Variants in KCNK10 observed in about 807,000 individuals in gnomAD.
KCNK10 encodes potassium channel subfamily K member 10.
Under a neutral mutation model 47.7 loss-of-function variants are expected in KCNK10, and 25 were observed. The ratio of observed to expected loss-of-function variants is 0.52; its 90% CI spans 0.38 to 0.73. KCNK10 has a LOEUF of 0.73. Among genes scored for constraint, KCNK10 ranks in the 30% least tolerant of loss-of-function variants. The pLI is 0.00. For synonymous variants in KCNK10, 303 were observed against 285.6 expected (o/e 1.06, Z -0.61); for missense variants, 563 against 714.5 (o/e 0.79, Z 2.42).
chr14:88,235,354 G>A (rs376586499), intron 3 of KCNK10: 2 of 411,730 alleles, frequency 4.9e-6, no homozygotes, highest in African/African-American at 4.2e-5. Context: ...TGTGAAAAGA[G>A]TAGCAAAACT....
At chr14:88,296,162 C>T (rs1374947453) in intron 1 of KCNK10, among the ~76,000 whole-genome samples, 1 of 152,180 alleles carries the variant, frequency 6.6e-6, no homozygotes, top group Non-Finnish European at 1.5e-5. Context: ...TGAGACCTCA[C>T]ATAACCGGAC....
chr14:88,316,710 C>T (rs1477382521), intron 1 of KCNK10, among the ~76,000 whole-genome samples: 3 of 152,204 alleles, frequency 2.0e-5, no homozygotes, highest in Non-Finnish European at 4.4e-5. Context: ...CTTTCTGCAT[C>T]AGCCAAGGGA....
chr14:88,291,561 T>C (rs1240263123), intron 1 of KCNK10, among the ~76,000 whole-genome samples: 2 of 152,190 alleles, frequency 1.3e-5, no homozygotes, highest in Non-Finnish European at 2.9e-5. Context: ...GAAGGGGGTC[T>C]CAGCATCTGG....
chr14:88,300,987 G>A (rs1020891937), intron 1 of KCNK10, among the ~76,000 whole-genome samples: 2 of 152,172 alleles, frequency 1.3e-5, no homozygotes, highest in South Asian at 4.1e-4. Flanking sequence ...GATTCAGTCA[G>A]ATCTAAGTTA....
Position 88,183,869 on chromosome 14 carries a change from A to G in KCNK10, c.*1666T>C, listed in dbSNP as rs1043271160. ...CAGAAAGCATGAGACAGTTTCTGGA[A>G]GTCTCCGCTAGTGCTGTGATCTTTT... On this transcript the variant is annotated 3_prime_UTR_variant, in exon 7 of 7. Coordinates refer to ENST00000319231, the MANE Select transcript of KCNK10 (RefSeq NM_138317.3). The G allele has an allele frequency of 6.6e-6, 1 of 152,360 alleles. No homozygotes were observed. Among genetic ancestry groups the G allele is most frequent in the African/African-American group, 2.4e-5 (1 of 41,456 alleles). 9.4% of individuals were successfully genotyped at this position (152,360 alleles called of 1,614,324 possible).
chr14:88,301,604 C>T (rs747443106), intron 1 of KCNK10, among the ~76,000 whole-genome samples: 8 of 144,786 alleles, frequency 5.5e-5, no homozygotes, highest in Non-Finnish European at 7.5e-5. Context: ...ATTTCAGAGG[C>T]GAGGAGAAGC....
chr14:88,251,141 A>G (rs1361690102), intron 2 of KCNK10, among the ~76,000 whole-genome samples: 3 of 150,556 alleles, frequency 2.0e-5, no homozygotes, highest in African/African-American at 7.3e-5. Flanking sequence ...GCCGAGGCAG[A>G]AGAATCGCTT....
chr14:88,325,362 C>T (rs10138695), upstream of KCNK10, among the ~76,000 whole-genome samples: 25,579 of 152,132 alleles, frequency 0.17, 2,704 homozygotes, highest in African/African-American at 0.3. Context: ...CCTCAGAGCA[C>T]GGGGAGGCAA....
Position 88,322,328 on chromosome 14 carries a change from C to G in KCNK10, c.52+419G>C, listed in dbSNP as rs985331018. ...GGAAACCTTTCCCACTGAGGACACC[C>G]GGGCATGCGGCGCAGCTCCAGGTCC... On this transcript the variant is annotated intron_variant, in intron 1 of 6. Coordinates refer to ENST00000319231, the MANE Select transcript of KCNK10 (RefSeq NM_138317.3). The surrounding 1 kb of genome is among the most constrained non-coding windows in gnomAD (Gnocchi z 4.8). Among the ~76,000 whole-genome samples the G allele has an allele frequency of 6.6e-6, 1 of 152,114 alleles. No homozygotes were observed. Among genetic ancestry groups the G allele is most frequent in the Non-Finnish European group, 1.5e-5 (1 of 68,026 alleles).
intron 3 of KCNK10, among the ~76,000 whole-genome samples, chr14:88,234,319 A>G (rs1886236209): frequency 6.6e-6 from 1 of 152,238 alleles, no homozygotes; most frequent in Non-Finnish European, 1.5e-5. Flanking sequence ...CAGATTTGCA[A>G]GTGTAAACCT....
At chr14:88,245,030 T>C (rs562836842) in intron 2 of KCNK10, among the ~76,000 whole-genome samples, 1 of 152,348 alleles carries the variant, frequency 6.6e-6, no homozygotes, top group South Asian at 2.1e-4. Flanking sequence ...ATTTCCTTTT[T>C]AGCCTCTAAG....
chr14:88,291,788 G>C (rs1887885341), intron 1 of KCNK10, among the ~76,000 whole-genome samples: 1 of 152,280 alleles, frequency 6.6e-6, no homozygotes, highest in African/African-American at 2.4e-5. Flanking sequence ...GGCTGAGGAG[G>C]GTAGGCAACA....
chr14:88,312,137 A>G (rs748869991), intron 1 of KCNK10, among the ~76,000 whole-genome samples: 3 of 152,116 alleles, frequency 2.0e-5, no homozygotes, highest in Admixed American at 6.5e-5. Flanking sequence ...AAAAGAAACC[A>G]TATTCACTCG....
In KCNK10 at chr14:88,187,960, G is replaced by T. The variant is rs1019987476; in HGVS notation, c.1011+7C>A. Reference sequence around the variant, plus strand: ...GGAACATTCATAGGGTTAGGAAGGGGTCCTACCTCTTCTTTTGTCTTTTTG... The same window carrying T: ...GGAACATTCATAGGGTTAGGAAGGGTTCCTACCTCTTCTTTTGTCTTTTTG... On this transcript the variant is annotated splice_region_variant and intron_variant, in intron 6 of 6. Coordinates refer to ENST00000319231, the MANE Select transcript of KCNK10 (RefSeq NM_138317.3). 2 of 1,613,916 alleles carry T rather than the reference G, an allele frequency of 1.2e-6. No individual in the cohort carries two copies. The highest frequency in any genetic ancestry group is 1.7e-6 in the Non-Finnish European group (2 of 1,179,952).
At chr14:88,205,096 A>G (rs908716146) in intron 4 of KCNK10, among the ~76,000 whole-genome samples, 2 of 152,206 alleles carry the variant, frequency 1.3e-5, no homozygotes, top group Non-Finnish European at 2.9e-5. Context: ...AACTGTCTCC[A>G]TAGTTTAGAC....
chr14:88,322,646 G>T lies in KCNK10; in HGVS notation c.52+101C>A, dbSNP rs1369608897. 6.5e-6 allele frequency: 10 copies of T among 1,527,698 alleles called. No individual in the cohort carries two copies. The highest frequency in any genetic ancestry group is 9.1e-6 in the Non-Finnish European group (10 of 1,104,310). The allele number at this position is 1,527,698 out of a possible 1,614,324, so 94.6% of individuals were successfully genotyped here. A position where few individuals can be genotyped will look rare whatever the true frequency, so the allele number is the denominator to read the frequency against. ...TTCCCAGGCGCATTTCCCAGCCTCA[G>T]GACACACGCTGCCAGAAGCAAGAGT... On this transcript the variant is annotated intron_variant, in intron 1 of 6. Transcript: ENST00000319231. The surrounding 1 kb of genome is among the most constrained non-coding windows in gnomAD (Gnocchi z 4.8).
intron 1 of KCNK10, among the ~76,000 whole-genome samples, chr14:88,317,012 A>G (rs1480857431): frequency 1.3e-5 from 2 of 152,206 alleles, no homozygotes; most frequent in Admixed American, 1.3e-4. Flanking sequence ...CAACCTGCTC[A>G]GTCTTAATTC....
chr14:88,255,470 G>A (rs1196283472), intron 2 of KCNK10, among the ~76,000 whole-genome samples: 4 of 151,200 alleles, frequency 2.6e-5, no homozygotes, highest in Non-Finnish European at 5.9e-5. Context: ...GAGGTGGGAG[G>A]ATTGCTTGAG....
chr14:88,256,180 T>C (rs111964756), intron 2 of KCNK10, among the ~76,000 whole-genome samples: 10 of 152,308 alleles, frequency 6.6e-5, no homozygotes, highest in African/African-American at 2.4e-4. Context: ...CGGATTAGCA[T>C]CTTGTCTCTT....
Sources: gnomAD v4.1 joint callset for allele counts (sites outside exome capture counted in the v4.1 genomes callset) on GRCh38, gnomAD v4.1.1 for gene constraint, Gnocchi (gnomAD v3.1) non-coding constraint, MANE v1.5 for transcripts, NCBI Gene and HGNC (gene_info 2026-07-23, HGNC 2026-07-21) for gene names.